The following PPM1D variants were observed in gnomAD, a reference collection of about 807,000 sequenced individuals.
PPM1D encodes protein phosphatase, Mg2+/Mn2+ dependent 1D.
A neutral mutation model predicts 58.3 loss-of-function variants in PPM1D; 52 were observed. The observed-to-expected ratio is 0.89, with a 90% CI of 0.71 to 1.12. The LOEUF is 1.12. Ranked by LOEUF, PPM1D falls within the 50% of genes most tolerant of loss-of-function variation. The pLI is 0.00. For synonymous variants in PPM1D, 278 were observed against 285.1 expected (o/e 0.98, Z 0.25); for missense variants, 564 against 777.2 (o/e 0.73, Z 3.26).
intron 2 of PPM1D, among the ~76,000 whole-genome samples, chr17:60,632,681 G>A (rs560125791): frequency 6.6e-6 from 1 of 152,230 alleles, no homozygotes; most frequent in Non-Finnish European, 1.5e-5. Flanking sequence ...GTGAGACCCC[G>A]TCTCCTCAAA....
chr17:60,662,996 C>G lies in PPM1D; in HGVS notation c.1262C>G (p.Ser421Ter), dbSNP rs2031551111. The G allele has an allele frequency of 6.3e-7, 1 of 1,587,276 alleles. No individual in the cohort carries two copies. The highest frequency in any genetic ancestry group is 8.6e-7 in the Non-Finnish European group (1 of 1,168,236). The change falls in exon 6 of 6, where the codon TCA (serine) becomes TGA (stop). Residue 421 changes from serine to a stop codon, truncating the protein, a stop_gained and splice_region_variant. Coordinates refer to ENST00000305921, the MANE Select transcript of PPM1D (RefSeq NM_003620.4). LOFTEE classifies it high-confidence loss of function. The part of the protein sequence containing the change: ...PSPCSTPPVK[S>*]LEEDPWPRVN... ...TTGTTTTACCTTCTTATTTTTCAGT[C>G]ACTGGAGGAGGATCCATGGCCAAGG...
Position 60,666,260 on chromosome 17 carries a change from A to G in PPM1D, c.*2708A>G, listed in dbSNP as rs181501746. 6.6e-6 allele frequency: 1 copy of G among 152,284 alleles called. No individual in the cohort carries two copies. Among genetic ancestry groups the G allele is most frequent in the African/African-American group, 2.4e-5 (1 of 41,548 alleles). The allele number at this position is 152,284 out of a possible 1,614,324, so 9.4% of individuals were successfully genotyped here. A position where few individuals can be genotyped will look rare whatever the true frequency, so the allele number is the denominator to read the frequency against. ...ACATCTTAATGTATTTTGTCCCTAA[A>G]TAAACTATCTCACTAACAAAGTTGA... On this transcript the variant is annotated 3_prime_UTR_variant, in exon 6 of 6. Transcript: ENST00000305921.
chr17:60,658,875 G>A (rs1019276721), intron 5 of PPM1D, among the ~76,000 whole-genome samples: 24 of 152,052 alleles, frequency 1.6e-4, no homozygotes, highest in African/African-American at 2.4e-5. Flanking sequence ...GGCGGGAATC[G>A]CTTGAACCCG....
intron 3 of PPM1D, among the ~76,000 whole-genome samples, chr17:60,642,421 G>A (rs888042757): frequency 2.7e-5 from 4 of 146,748 alleles, no homozygotes; most frequent in Non-Finnish European, 5.9e-5. Flanking sequence ...TGTGAATTGG[G>A]TAGCCACCCC....
chr17:60,663,039 T>C lies in PPM1D; in HGVS notation c.1305T>C (p.His435=). Reference sequence around the variant, plus strand: ...GGCCAAGGGTGAATTCTAAGGACCATATACCTGCCCTGGTTCGTAGCAATG... The same window carrying C: ...GGCCAAGGGTGAATTCTAAGGACCACATACCTGCCCTGGTTCGTAGCAATG... ...DPWPRVNSKD[H]IPALVRSNAF... Residue 435 remains histidine (H), a synonymous_variant, in exon 6 of 6, where the codon CAT becomes CAC. Transcript: ENST00000305921. The C allele has an allele frequency of 6.2e-7, 1 of 1,614,128 alleles. No individual in the cohort carries two copies. The highest frequency in any genetic ancestry group is 8.5e-7 in the Non-Finnish European group (1 of 1,179,992).
intron 1 of PPM1D, 101 bp downstream of exon 1, chr17:60,600,987 A>G: frequency 2.0e-6 from 3 of 1,521,850 alleles, no homozygotes; most frequent in African/African-American, 1.4e-5. Flanking sequence ...GAGCGCAACC[A>G]AAGTATACAC....
intron 5 of PPM1D, among the ~76,000 whole-genome samples, chr17:60,658,659 A>T (rs1412839756): frequency 6.6e-6 from 1 of 151,392 alleles, no homozygotes; most frequent in Non-Finnish European, 1.5e-5. Context: ...AAAAAAAAAA[A>T]AAAAAAAATT....
intron 4 of PPM1D, 31 bp from the exon 5 acceptor site, chr17:60,656,568 A>G (rs2031442929): frequency 6.2e-7 from 1 of 1,603,764 alleles, no homozygotes; most frequent in Non-Finnish European, 8.5e-7. Flanking sequence ...AATCTGAGTT[A>G]CTTTCCTTCT....
intron 2 of PPM1D, among the ~76,000 whole-genome samples, chr17:60,629,776 G>A (rs1157113915): frequency 1.3e-5 from 2 of 152,076 alleles, no homozygotes; most frequent in Non-Finnish European, 2.9e-5. Context: ...AGTGGCTTAC[G>A]CTTATAATCC....
chr17:60,610,294 C>T (rs76370941), intron 1 of PPM1D, among the ~76,000 whole-genome samples: 142 of 152,006 alleles, frequency 9.3e-4, no homozygotes, highest in Middle Eastern at 6.8e-3. Context: ...TATGCCCCTG[C>T]GATAAGGGGG....
chr17:60,648,139 G>C, intron 4 of PPM1D, 57 bp downstream of exon 4: 1 of 1,534,562 alleles, frequency 6.5e-7, no homozygotes, highest in South Asian at 1.2e-5. Flanking sequence ...TGGTACTTCT[G>C]TCAGAATCTT....
intron 1 of PPM1D, among the ~76,000 whole-genome samples, chr17:60,610,087 G>A (rs2030423104): frequency 6.6e-6 from 1 of 151,770 alleles, no homozygotes; most frequent in Admixed American, 6.6e-5. Flanking sequence ...GGCTGAGGCA[G>A]GGGAATTGCT....
In PPM1D at chr17:60,656,741, A is replaced by G. The variant is rs778516032; in HGVS notation, c.1160A>G (p.Asn387Ser). ...PEVDNQGNFT[N>S]EDELYLNLTD... ...GTGGACAATCAGGGAAACTTTACCA[A>G]TGAAGATGAGTTATACCTGAACCTG... Residue 387 changes from asparagine to serine, a missense_variant, in exon 5 of 6, where the codon AAT (asparagine) becomes AGT (serine). Physicochemically the swap from Asn to Ser is conservative, Grantham distance 46. Transcript: ENST00000305921. The G allele has an allele frequency of 6.5e-5, 105 of 1,614,098 alleles. 1 individual carries two copies. The South Asian group carries it at 9.1e-4, about 14-fold the overall frequency.
At position 60,600,248 on chromosome 17, in the gene PPM1D, C is replaced by G. The variant is rs1386137871; in HGVS notation, c.-167C>G. ...CGCTCCGGCGCTCCGGCCCAGCTCT[C>G]GCGGACAAGTCCAGACATCGCGCGC... On this transcript the variant is annotated 5_prime_UTR_variant, in exon 1 of 6. Transcript: ENST00000305921. The G allele has an allele frequency of 3.3e-5, 44 of 1,339,312 alleles. No homozygotes were observed. The highest frequency in any genetic ancestry group is 3.5e-5 in the Non-Finnish European group (36 of 1,017,422). 83.0% of individuals were successfully genotyped at this position (1,339,312 alleles called of 1,614,324 possible). A position where few individuals can be genotyped will look rare whatever the true frequency, so the allele number is the denominator to read the frequency against.
At chr17:60,636,670 G>A (rs2031027520) in intron 3 of PPM1D, among the ~76,000 whole-genome samples, 1 of 151,922 alleles carries the variant, frequency 6.6e-6, no homozygotes, top group Non-Finnish European at 1.5e-5. Context: ...AGTAACAAAT[G>A]TAAGGGTTCT....
At chr17:60,614,319 G>C (rs1456561874) in intron 1 of PPM1D, among the ~76,000 whole-genome samples, 2 of 152,090 alleles carry the variant, frequency 1.3e-5, no homozygotes, top group African/African-American at 4.8e-5. Flanking sequence ...AAATATACCA[G>C]TCAGCACTCT....
At chr17:60,622,874 A>C (rs2030734114) in intron 1 of PPM1D, among the ~76,000 whole-genome samples, 1 of 152,224 alleles carries the variant, frequency 6.6e-6, no homozygotes, top group African/African-American at 2.4e-5. Flanking sequence ...AAGCGGGTGG[A>C]TCACCCAAGG....
chr17:60,626,540 G>A (rs952915230), intron 2 of PPM1D, among the ~76,000 whole-genome samples: 8 of 151,624 alleles, frequency 5.3e-5, no homozygotes, highest in Non-Finnish European at 1.2e-4. Flanking sequence ...GACTACAGGC[G>A]CCTGCCACCA....
Position 60,663,559 on chromosome 17 carries a change from T to A in PPM1D, c.*7T>A. 6.3e-7 allele frequency: 1 copy of A among 1,599,122 alleles called. No homozygotes were observed. The highest frequency in any genetic ancestry group is 8.5e-7 in the Non-Finnish European group (1 of 1,175,404). On this transcript the variant is annotated 3_prime_UTR_variant, in exon 6 of 6. Coordinates refer to ENST00000305921, the MANE Select transcript of PPM1D (RefSeq NM_003620.4). ...AACTGTTTGTGTTTGCTGAAATGCA[T>A]CTGGGAAATGAGGTTTTTCCAAACT... is the stretch of plus-strand genomic sequence containing the variant.
Sources: allele counts gnomAD v4.1 joint callset (sites outside exome capture counted in the v4.1 genomes callset), GRCh38; gene constraint gnomAD v4.1.1; transcripts MANE v1.5; gene names NCBI Gene and HGNC (gene_info 2026-07-23, HGNC 2026-07-21).